Variants in PNPLA1 observed in about 807,000 individuals in gnomAD.
PNPLA1 encodes the protein omega-hydroxyceramide transacylase.
PNPLA1 carries 36 observed loss-of-function variants against 51.7 expected under a neutral mutation model. The observed-to-expected ratio is 0.70, with a 90% CI of 0.53 to 0.92. The LOEUF is 0.92. PNPLA1 is among the 40% of genes least tolerant of loss of function. The pLI is 0.00. For missense variants in PNPLA1, 658 were observed against 682.5 expected, an observed-to-expected ratio of 0.96 and a Z score of 0.40; for synonymous variants, 293 against 280.1, an observed-to-expected ratio of 1.05 and a Z score of -0.46.
chr6:36,247,502 C>T (rs1769318464), intron 1 of PNPLA1, among the ~76,000 whole-genome samples: 1 of 152,236 alleles, frequency 6.6e-6, no homozygotes, highest in African/African-American at 2.4e-5. Flanking sequence ...GCTGCTCTGC[C>T]CTAGCAGCCA....
At chr6:36,310,900 T>G (rs1298902520) in intron 8 of PNPLA1, among the ~76,000 whole-genome samples, 1 of 152,226 alleles carries the variant, frequency 6.6e-6, no homozygotes, top group Non-Finnish European at 1.5e-5. Flanking sequence ...AAGCTGAATG[T>G]GGAAGCATCC....
intron 1 of PNPLA1, among the ~76,000 whole-genome samples, chr6:36,263,099 T>C (rs1266573753): frequency 6.6e-6 from 1 of 152,224 alleles, no homozygotes; most frequent in Non-Finnish European, 1.5e-5. Context: ...GATTTTATTT[T>C]ATATGGGAGA....
chr6:36,295,717 A>T (rs556631949), intron 5 of PNPLA1, among the ~76,000 whole-genome samples: 2 of 152,324 alleles, frequency 1.3e-5, no homozygotes, highest in African/African-American at 2.4e-5. Context: ...TATTTAGGAA[A>T]TCCAGAGTTC....
chr6:36,251,083 A>G (rs1260446071), intron 1 of PNPLA1, among the ~76,000 whole-genome samples: 1 of 152,248 alleles, frequency 6.6e-6, no homozygotes, highest in East Asian at 1.9e-4. Flanking sequence ...GGCCGTTTCT[A>G]GTAAGGTAGG....
Position 36,255,199 on chromosome 6 carries a change from T to G in PNPLA1, c.-81+11938T>G, listed in dbSNP as rs184269777. ...CTGACCAACATGGTGAAATCCCTTCTCTACTAAAAAAAAATACAAAATTGG... is the reference window on the plus strand; with the variant it reads ...CTGACCAACATGGTGAAATCCCTTCGCTACTAAAAAAAAATACAAAATTGG... On this transcript the variant is annotated intron_variant, in intron 1 of 7. Coordinates refer to the PNPLA1 transcript ENST00000312917. 7.1e-4 allele frequency among the ~76,000 whole-genome samples: 108 copies of G among 151,612 alleles called. 2 individuals are homozygous for G. Among genetic ancestry groups the G allele is most frequent in the Admixed American group, 3.9e-3 (59 of 15,200 alleles).
intron 1 of PNPLA1, among the ~76,000 whole-genome samples, chr6:36,284,310 G>A (rs1770409464): frequency 6.6e-6 from 1 of 152,208 alleles, no homozygotes; most frequent in Non-Finnish European, 1.5e-5. Context: ...AGGTCTATGT[G>A]GAGGATTGTT....
In PNPLA1 at chr6:36,291,807, G is replaced by A. The variant is rs117563056; in HGVS notation, c.438+255G>A. Among the ~76,000 whole-genome samples the A allele has an allele frequency of 1.2e-3, 183 of 152,270 alleles. 5 individuals are homozygous for A. In the East Asian group the frequency reaches 0.031, roughly 26 times the overall value. ...ACATCCATCCTGCCCGGCCCCCTGC[G>A]CTAAGCCTGGAGCTTCCCAGAGGCC... is the stretch of plus-strand genomic sequence containing the variant. On this transcript the variant is annotated intron_variant, in intron 2 of 8. Transcript: ENST00000636260.
intron 6 of PNPLA1, among the ~76,000 whole-genome samples, chr6:36,303,236 A>G (rs1029217630): frequency 6.6e-5 from 10 of 152,116 alleles, no homozygotes; most frequent in Non-Finnish European, 1.3e-4. Flanking sequence ...CTGGGACTAC[A>G]GATGCCCGCC....
intron 6 of PNPLA1, among the ~76,000 whole-genome samples, chr6:36,303,384 C>T (rs578143396): frequency 1.1e-3 from 173 of 152,328 alleles, no homozygotes; most frequent in East Asian, 5.6e-3. Flanking sequence ...TGAGCCACCG[C>T]GCCCAGCCAG....
intron 1 of PNPLA1, among the ~76,000 whole-genome samples, chr6:36,277,589 T>G (rs1770144599): frequency 6.6e-6 from 1 of 152,206 alleles, no homozygotes; most frequent in African/African-American, 2.4e-5. Flanking sequence ...GTTGGCCAGA[T>G]GCAGTGGCTC....
intron 1 of PNPLA1, among the ~76,000 whole-genome samples, chr6:36,280,716 T>C (rs1770253226): frequency 6.6e-6 from 1 of 152,212 alleles, no homozygotes; most frequent in Non-Finnish European, 1.5e-5. Context: ...TCCCTCTTCA[T>C]TTCTTCCTTT....
chr6:36,255,292 G>T (rs1220156196), intron 1 of PNPLA1, among the ~76,000 whole-genome samples: 3 of 152,032 alleles, frequency 2.0e-5, no homozygotes, highest in Non-Finnish European at 4.4e-5. Flanking sequence ...ATCACCTGAG[G>T]TTGGGAGTTC....
intron 1 of PNPLA1, among the ~76,000 whole-genome samples, chr6:36,284,769 C>T (rs761349248): frequency 4.6e-5 from 7 of 152,168 alleles, no homozygotes; most frequent in Non-Finnish European, 8.8e-5. Context: ...GGCGATGGGA[C>T]AGTCTCAGAA....
At chr6:36,280,792 ATTG>A (rs943683483) in intron 1 of PNPLA1, among the ~76,000 whole-genome samples, 12 of 151,676 alleles carry the variant, frequency 7.9e-5, no homozygotes, top group Admixed American at 3.9e-4. Flanking sequence ...TTTCGTTGTT[ATTG>A]TTGTTGTTGT....
At position 36,291,465 on chromosome 6, in the gene PNPLA1, G is replaced by A. The variant is rs376009767; in HGVS notation, c.351G>A (p.Thr117=). The change falls in exon 2 of 9, where the codon ACG becomes ACA. Residue 117 remains threonine, a synonymous_variant. Transcript: ENST00000636260. ...CCGAGGACTCCTACAAGGTCACCAC[G>A]GGGAAGCTCCATGTGAGCCTCACCC... ...VLPEDSYKVT[T]GKLHVSLTRL... is the part of the protein sequence containing the mutation. 4 of 1,614,042 alleles carry A rather than the reference G, an allele frequency of 2.5e-6. No individual in the cohort carries two copies. Among genetic ancestry groups the A allele is most frequent in the African/African-American group, 2.7e-5 (2 of 75,006 alleles).
chr6:36,289,442 A>G (rs1195473639), intron 1 of PNPLA1, among the ~76,000 whole-genome samples: 1 of 152,174 alleles, frequency 6.6e-6, no homozygotes, highest in African/African-American at 2.4e-5. Flanking sequence ...CCTCCCTTGA[A>G]GGTAAACACT....
chr6:36,273,081 T>TA (rs942491492), intron 1 of PNPLA1, among the ~76,000 whole-genome samples: 1 of 151,342 alleles, frequency 6.6e-6, no homozygotes, highest in Non-Finnish European at 1.5e-5. Flanking sequence ...CCTTCTCTAC[T>TA]AAAAAAATAC....
chr6:36,270,752 G>A (rs1035484731), intron 1 of PNPLA1, 88 bp downstream of exon 1: 1 of 1,443,960 alleles, frequency 6.9e-7, no homozygotes, highest in South Asian at 1.3e-5. Flanking sequence ...GGGATGCTTT[G>A]GGGGACAAAG....
At chr6:36,299,589 C>T (rs886957675) in intron 5 of PNPLA1, among the ~76,000 whole-genome samples, 2 of 152,198 alleles carry the variant, frequency 1.3e-5, no homozygotes, top group African/African-American at 4.8e-5. Flanking sequence ...CCGCCTCGGC[C>T]TCCCAAAGTG....
Sources: gnomAD v4.1 joint callset for allele counts (sites outside exome capture counted in the v4.1 genomes callset) on GRCh38, gnomAD v4.1.1 for gene constraint, MANE v1.5 for transcripts, NCBI Gene and HGNC (gene_info 2026-07-23, HGNC 2026-07-21) for gene names.